The following VIRMA variants were observed in gnomAD, a reference collection of about 807,000 sequenced individuals.
The protein encoded by VIRMA is vir like m6A methyltransferase associated.
Under a neutral mutation model 182.4 loss-of-function variants are expected in VIRMA, and 65 were observed. The ratio of observed to expected loss-of-function variants is 0.36; its 90% CI spans 0.29 to 0.44. The LOEUF is 0.44. VIRMA is among the 20% of genes least tolerant of loss of function. The pLI is 1.00. For synonymous variants in VIRMA, 709 were observed against 743.1 expected (o/e 0.95, Z 0.75); for missense variants, 1,752 against 2,158.1 (o/e 0.81, Z 3.73).
chr8:94,487,990 C>T lies in VIRMA; in HGVS notation c.*716G>A, dbSNP rs1219778418. ...TTTCTTTTGGTACAGCCATGGTTCC[C>T]AAACTGTGTAGCAGGGCACCTTAGC... is the stretch of plus-strand genomic sequence containing the variant. On this transcript the variant is annotated 3_prime_UTR_variant, in exon 24 of 24. Coordinates refer to ENST00000297591, the MANE Select transcript of VIRMA (RefSeq NM_015496.5). The T allele has an allele frequency of 1.3e-5, 2 of 152,164 alleles. No individual in the cohort carries two copies. Among genetic ancestry groups the T allele is most frequent in the East Asian group, 3.8e-4 (2 of 5,202 alleles). The allele number at this position is 152,164 out of a possible 1,614,324, so 9.4% of individuals were successfully genotyped here. A position where few individuals can be genotyped will look rare whatever the true frequency, so the allele number is the denominator to read the frequency against.
At chr8:94,541,128 CT>C (rs34039726) in intron 2 of VIRMA, among the ~76,000 whole-genome samples, 18,945 of 145,142 alleles carry the variant, frequency 0.13, 1,710 homozygotes, top group African/African-American at 0.26. Flanking sequence ...ATTGTTATTA[CT>C]TTTTTTTTTT....
chr8:94,513,282 A>G (rs1814439974), intron 11 of VIRMA, among the ~76,000 whole-genome samples: 1 of 152,180 alleles, frequency 6.6e-6, no homozygotes, highest in Non-Finnish European at 1.5e-5. Flanking sequence ...AGTTGCAGTG[A>G]GCTGAGATTG....
chr8:94,506,857 A>G, intron 15 of VIRMA, 140 bp from the exon 16 acceptor site: 3 of 562,938 alleles, frequency 5.3e-6, no homozygotes, highest in Non-Finnish European at 9.3e-6. Context: ...CCAAACATAT[A>G]AACACATTAA....
In VIRMA at chr8:94,537,134, T is replaced by C; in HGVS notation, c.284A>G (p.Asn95Ser). The C allele has an allele frequency of 1.2e-6, 2 of 1,603,476 alleles. No homozygotes were observed. Among genetic ancestry groups the C allele is most frequent in the East Asian group, 2.2e-5 (1 of 44,842 alleles). ...DRLGSLEYDE[N>S]TSIIFRPNSK... ...GTTAGGTCTAAAGATGATGGAAGTA[T>C]TCTCATCATATTCCAGGCTGTCAAG... Residue 95 changes from asparagine to serine, a missense_variant, in exon 4 of 24, where the codon AAT (asparagine) becomes AGT (serine). Around this residue, in one of 11 missense-constraint regions of VIRMA, gnomAD observed 195 missense variants for 191.7 expected, o/e 1.02. Transcript: ENST00000297591.
intron 16 of VIRMA, among the ~76,000 whole-genome samples, chr8:94,501,391 TG>T (rs1048966027): frequency 6.6e-6 from 1 of 151,648 alleles, no homozygotes; most frequent in African/African-American, 2.4e-5. Context: ...AGAAATAAGC[TG>T]ACATAAATAA....
intron 15 of VIRMA, among the ~76,000 whole-genome samples, chr8:94,508,408 G>T (rs1385287388): frequency 6.6e-6 from 1 of 152,048 alleles, no homozygotes; most frequent in Non-Finnish European, 1.5e-5. Context: ...TTTTACAAGA[G>T]CATTTTTCAT....
intron 7 of VIRMA, 104 bp downstream of exon 7, chr8:94,528,966 T>C: frequency 1.4e-6 from 2 of 1,447,240 alleles, no homozygotes; most frequent in South Asian, 2.8e-5. Context: ...CCTGGGTTTC[T>C]TGGAACCCAT....
intron 16 of VIRMA, among the ~76,000 whole-genome samples, chr8:94,504,844 A>C (rs1211069471): frequency 6.6e-6 from 1 of 152,184 alleles, no homozygotes; most frequent in Non-Finnish European, 1.5e-5. Flanking sequence ...CTTAGCAGAG[A>C]GATAAGGGCT....
At chr8:94,543,410 A>AAC (rs1234401222) in intron 2 of VIRMA, among the ~76,000 whole-genome samples, 5 of 148,382 alleles carry the variant, frequency 3.4e-5, no homozygotes, top group African/African-American at 1.2e-4. Flanking sequence ...TCAAAAAAAA[A>AAC]AAAAAAAAAA....
chr8:94,496,147 T>G lies in VIRMA; in HGVS notation c.4383+181A>C. ...AAAAAGTACCGTCTTCATGTACTCC[T>G]TAAAATTCATAACAGGATGGAGGAC... On this transcript the variant is annotated intron_variant, in intron 18 of 23. Coordinates refer to ENST00000297591, the MANE Select transcript of VIRMA (RefSeq NM_015496.5). The G allele has an allele frequency of 1.2e-5, 8 of 654,754 alleles. No individual in the cohort carries two copies. In the South Asian group the frequency reaches 1.6e-4, roughly 13 times the overall value. 40.6% of individuals were successfully genotyped at this position (654,754 alleles called of 1,614,324 possible).
At position 94,511,436 on chromosome 8, in the gene VIRMA, T is replaced by C; in HGVS notation, c.3139A>G (p.Ile1047Val). 3 of 1,614,130 alleles carry C rather than the reference T, an allele frequency of 1.9e-6. No homozygotes were observed. The highest frequency in any genetic ancestry group is 1.7e-6 in the Non-Finnish European group (2 of 1,180,016). Residue 1047 changes from isoleucine to valine, a missense_variant, in exon 13 of 24, where the codon ATC (isoleucine) becomes GTC (valine). By Grantham distance (29) the Ile-to-Val change is conservative. This residue lies in a region of VIRMA where 777 missense variants were observed against 920.6 expected (regional missense o/e 0.84). Coordinates refer to ENST00000297591, the MANE Select transcript of VIRMA (RefSeq NM_015496.5). ...LVTLHMLLCS[I>V]PLSGRLDSDE... is the part of the protein sequence containing the mutation. Reference sequence around the variant, plus strand: ...CTATCCAAACGACCTGAGAGGGGGATAGAGCACAGGAGCATATGTAAAGTA... The same window carrying C: ...CTATCCAAACGACCTGAGAGGGGGACAGAGCACAGGAGCATATGTAAAGTA...
chr8:94,495,683 C>A, intron 19 of VIRMA, 48 bp downstream of exon 19: 1 of 1,548,710 alleles, frequency 6.5e-7, no homozygotes, highest in Non-Finnish European at 8.8e-7. Flanking sequence ...AGACTACAGC[C>A]ATTTTAAAAC....
chr8:94,549,801 T>C (rs1280713658), intron 1 of VIRMA, among the ~76,000 whole-genome samples: 1 of 152,140 alleles, frequency 6.6e-6, no homozygotes, highest in Non-Finnish European at 1.5e-5. Flanking sequence ...TGACTACCTT[T>C]GAAAACTCAG....
chr8:94,537,465 C>A (rs747309185), intron 3 of VIRMA, among the ~76,000 whole-genome samples: 1 of 151,856 alleles, frequency 6.6e-6, no homozygotes, highest in Non-Finnish European at 1.5e-5. Context: ...TAGACTACAA[C>A]CAAAATTTAA....
Position 94,526,829 on chromosome 8 carries a change from T to G in VIRMA, c.1415A>C (p.Gln472Pro). 1.9e-6 allele frequency: 3 copies of G among 1,614,210 alleles called. No individual in the cohort carries two copies. The highest frequency in any genetic ancestry group is 2.5e-6 in the Non-Finnish European group (3 of 1,180,028). The part of the protein sequence containing the change: ...LVSSLAECGA[Q>P]GVTGLLQAGV... Reference sequence around the variant, plus strand: ...TGCTTGTAGCAGTCCTGTAACTCCTTGAGCCCCACATTCTGCTAGTGAGGA... The same window carrying G: ...TGCTTGTAGCAGTCCTGTAACTCCTGGAGCCCCACATTCTGCTAGTGAGGA... Residue 472 changes from glutamine (Q) to proline (P), a missense_variant, in exon 8 of 24, where the codon CAA becomes CCA. Physicochemically the swap from Gln to Pro is moderately conservative, Grantham distance 76. This residue lies in a region of VIRMA where 401 missense variants were observed against 455.1 expected (regional missense o/e 0.88). Coordinates refer to ENST00000297591, the MANE Select transcript of VIRMA (RefSeq NM_015496.5).
Position 94,527,013 on chromosome 8 carries a change from T to C in VIRMA, c.1231A>G (p.Ile411Val). ...VTALEEIPSL[I>V]IKGLSYLQLK... ...TGCAAATAGCTTAACCCTTTTATTA[T>C]TAAACTTGGAATTTCTTCTAAAGCT... The change falls in exon 8 of 24, where the codon ATA (isoleucine) becomes GTA (valine). Residue 411 changes from isoleucine to valine, a missense_variant. Transcript: ENST00000297591. 1 of 1,614,216 alleles carries C rather than the reference T, an allele frequency of 6.2e-7. No individual in the cohort carries two copies. Among genetic ancestry groups the C allele is most frequent in the Non-Finnish European group, 8.5e-7 (1 of 1,180,030 alleles).
At chr8:94,550,591 C>T (rs1367860711) in intron 1 of VIRMA, among the ~76,000 whole-genome samples, 3 of 152,166 alleles carry the variant, frequency 2.0e-5, no homozygotes, top group Non-Finnish European at 4.4e-5. Flanking sequence ...GGCGCCTGGC[C>T]TTCTCTGAAC....
Position 94,488,710 on chromosome 8 carries a change from C to G in VIRMA, c.5435G>C (p.Arg1812Pro). The change falls in exon 24 of 24, where the codon CGA becomes CCA. Residue 1812 changes from arginine (R) to proline (P), a missense_variant. By Grantham distance (103) the Arg-to-Pro change is moderately radical (BLOSUM62 -2). This residue lies in a region of VIRMA where 132 missense variants were observed against 173.8 expected (regional missense o/e 0.76). Transcript: ENST00000297591. ...GRGRHVRSFT[R>P] ...AAGATGTTCCCAAAAGGATTTTTATCGTGTAAAGGAGCGTACATGACGACC... is the reference window on the plus strand; with the variant it reads ...AAGATGTTCCCAAAAGGATTTTTATGGTGTAAAGGAGCGTACATGACGACC... 1.9e-6 allele frequency: 3 copies of G among 1,613,588 alleles called. No individual in the cohort carries two copies. The highest frequency in any genetic ancestry group is 1.7e-6 in the Non-Finnish European group (2 of 1,179,758).
chr8:94,539,099 T>G (rs3102865), intron 2 of VIRMA, among the ~76,000 whole-genome samples: 46,610 of 149,870 alleles, frequency 0.31, 7,317 homozygotes, highest in South Asian at 0.47. Flanking sequence ...TAGAGACAAG[T>G]TATCACTATG....
Sources: gnomAD v4.1 joint callset for allele counts (sites outside exome capture counted in the v4.1 genomes callset) on GRCh38, gnomAD v4.1.1 for gene constraint, gnomAD v4.1.1 regional missense constraint, MANE v1.5 for transcripts, NCBI Gene and HGNC (gene_info 2026-07-23, HGNC 2026-07-21) for gene names.